The following CHRM4 variants were observed in gnomAD, a reference collection of about 807,000 sequenced individuals.
The protein encoded by CHRM4 is cholinergic receptor muscarinic 4.
A neutral mutation model predicts 26.3 loss-of-function variants in CHRM4; 5 were observed. The ratio of observed to expected loss-of-function variants is 0.19; its 90% CI spans 0.10 to 0.40. CHRM4 has a LOEUF of 0.40. CHRM4 is among the 10% of genes least tolerant of loss of function. The pLI is 1.00. For synonymous variants in CHRM4, 290 were observed against 285.3 expected, an observed-to-expected ratio of 1.02 and a Z score of -0.16; for missense variants, 402 against 664.5, an observed-to-expected ratio of 0.60 and a Z score of 4.34.
intron 1 of CHRM4, among the ~76,000 whole-genome samples, chr11:46,390,863 G>T (rs896391180): frequency 6.6e-6 from 1 of 152,250 alleles, no homozygotes; most frequent in African/African-American, 2.4e-5. Flanking sequence ...GTGGTTTGGG[G>T]TGTAGGTCTT....
intron 1 of CHRM4, among the ~76,000 whole-genome samples, chr11:46,388,927 T>TA (rs1401323732): frequency 6.6e-6 from 1 of 152,254 alleles, no homozygotes; most frequent in East Asian, 1.9e-4. Context: ...TATTGAGTGT[T>TA]AACTGCGTGT....
rs200584974 is a variant in CHRM4 at position 46,386,472 on chromosome 11, G to A, written c.86C>T (p.Thr29Met). 284 of 1,613,646 alleles carry A rather than the reference G, an allele frequency of 1.8e-4. 1 individual carries two copies. Among genetic ancestry groups the A allele is most frequent in the Non-Finnish European group, 1.5e-4 (172 of 1,179,896 alleles). Residue 29 changes from threonine (T) to methionine (M), a missense_variant, in exon 2 of 2, where the codon ACG becomes ATG. Coordinates refer to ENST00000682254, the MANE Select transcript of CHRM4 (RefSeq NM_000741.5). The surrounding 1 kb of genome is among the most constrained non-coding windows in gnomAD (Gnocchi z 5.8). ...TGTGGCAATGAAGACCATTTCCACC[G>A]TCTCATAGCGATTGTGGGATGATGA... is the stretch of plus-strand genomic sequence containing the variant. ...VTSSSHNRYE[T>M]VEMVFIATVT... is the part of the protein sequence containing the mutation.
chr11:46,390,246 G>A (rs1945379737), intron 1 of CHRM4, among the ~76,000 whole-genome samples: 1 of 152,200 alleles, frequency 6.6e-6, no homozygotes, highest in African/African-American at 2.4e-5. Flanking sequence ...CAGACTACTA[G>A]GGGCTGCCTG....
intron 1 of CHRM4, among the ~76,000 whole-genome samples, chr11:46,387,354 T>A (rs1325631183): frequency 1.3e-5 from 2 of 152,226 alleles, no homozygotes; most frequent in African/African-American, 4.8e-5. Flanking sequence ...CAGGCTGGTC[T>A]AGAACTCTTG....
chr11:46,386,686 C>G lies in CHRM4; in HGVS notation c.-29-100G>C. The G allele has an allele frequency of 8.4e-7, 1 of 1,197,120 alleles. No homozygotes were observed. The allele number at this position is 1,197,120 out of a possible 1,614,324, so 74.2% of individuals were successfully genotyped here. A position where few individuals can be genotyped will look rare whatever the true frequency, so the allele number is the denominator to read the frequency against. ...AAGGTGACAGAGGGACATTCTCTGG[C>G]AGAATGCCTTGAGAGAACTCTGTCC... On this transcript the variant is annotated intron_variant, in intron 1 of 1. Coordinates refer to ENST00000682254, the MANE Select transcript of CHRM4 (RefSeq NM_000741.5). The surrounding 1 kb of genome is among the most constrained non-coding windows in gnomAD (Gnocchi z 5.8).
At chr11:46,387,331 T>G (rs529774011) in intron 1 of CHRM4, among the ~76,000 whole-genome samples, 1 of 152,330 alleles carries the variant, frequency 6.6e-6, no homozygotes, top group African/African-American at 2.4e-5. Context: ...AGACAGGGTC[T>G]TGGTATGTTG....
In CHRM4 at chr11:46,385,417, C is replaced by T. The variant is rs1171199868; in HGVS notation, c.1141G>A (p.Ala381Thr). 6 of 1,609,038 alleles carry T rather than the reference C, an allele frequency of 3.7e-6. No homozygotes were observed. Among genetic ancestry groups the T allele is most frequent in the South Asian group, 3.3e-5 (3 of 91,020 alleles). Residue 381 changes from alanine to threonine, a missense_variant, in exon 2 of 2, where the codon GCT (alanine) becomes ACT (threonine). Around this residue, in one of 5 missense-constraint regions of CHRM4, gnomAD observed 205 missense variants for 244.0 expected, o/e 0.84. Coordinates refer to ENST00000682254, the MANE Select transcript of CHRM4 (RefSeq NM_000741.5). The surrounding 1 kb of genome is among the most constrained non-coding windows in gnomAD (Gnocchi z 6.3). ...ANVARKFASI[A>T]RNQVRKKRQM... ...CGCTTCTTGCGCACCTGGTTGCGAG[C>T]GATGCTGGCGAACTTGCGGGCCACG...
chr11:46,388,843 G>A (rs1374935613), intron 1 of CHRM4, among the ~76,000 whole-genome samples: 1 of 152,238 alleles, frequency 6.6e-6, no homozygotes, highest in African/African-American at 2.4e-5. Context: ...GCCTCCCAAG[G>A]CAGGATACAG....
rs1945337289 is a variant in CHRM4 at position 46,386,072 on chromosome 11, C to A, written c.486G>T (p.Val162=). 6.2e-7 allele frequency: 1 copy of A among 1,613,250 alleles called. No individual in the cohort carries two copies. The highest frequency in any genetic ancestry group is 2.2e-5 in the East Asian group (1 of 44,858). The change falls in exon 2 of 2, where the codon GTG becomes GTT. Residue 162 remains valine (V), a synonymous_variant. Coordinates refer to ENST00000682254, the MANE Select transcript of CHRM4 (RefSeq NM_000741.5). The surrounding 1 kb of genome is among the most constrained non-coding windows in gnomAD (Gnocchi z 5.8). ...AGAACAAGATGGCAGGCGCCCAGAG[C>A]ACGAAGGACAGTACCCAGGCAGCAG... ...MIAAAWVLSF[V]LWAPAILFWQ... is the part of the protein sequence containing the mutation.
At position 46,383,986 on chromosome 11, in the gene CHRM4, AGGGCCCC is replaced by A; in HGVS notation, c.*1125_*1131del. 4.4e-6 allele frequency: 1 copy of A among 227,186 alleles called. No individual in the cohort carries two copies. The highest frequency in any genetic ancestry group is 8.9e-6 in the Non-Finnish European group (1 of 112,072). 14.1% of individuals were successfully genotyped at this position (227,186 alleles called of 1,614,324 possible). On this transcript the variant is annotated 3_prime_UTR_variant, in exon 2 of 2. Coordinates refer to ENST00000682254, the MANE Select transcript of CHRM4 (RefSeq NM_000741.5). ...CAGAACAATTACAAACATTTCTTCCAGGGCCCCTGAAAGGGTGCTCCCCATCAAGTCA... is the reference window on the plus strand; with the variant it reads ...CAGAACAATTACAAACATTTCTTCCATGAAAGGGTGCTCCCCATCAAGTCA...
At position 46,386,730 on chromosome 11, in the gene CHRM4, C is replaced by T; in HGVS notation, c.-29-144G>A. The T allele has an allele frequency of 1.3e-6, 1 of 794,232 alleles. No individual in the cohort carries two copies. The highest frequency in any genetic ancestry group is 2.0e-6 in the Non-Finnish European group (1 of 511,188). 49.2% of individuals were successfully genotyped at this position (794,232 alleles called of 1,614,324 possible). ...TCTGTCCCGCCATCCCGCATTTGCC[C>T]ATTCATTCAACATTAATTGAGCACC... On this transcript the variant is annotated intron_variant, in intron 1 of 1. Coordinates refer to ENST00000682254, the MANE Select transcript of CHRM4 (RefSeq NM_000741.5). This position sits in a 1 kb window ranked among gnomAD's most constrained non-coding sequence, Gnocchi z 5.8.
intron 1 of CHRM4, among the ~76,000 whole-genome samples, chr11:46,389,288 C>T (rs992916926): frequency 6.6e-6 from 1 of 152,190 alleles, no homozygotes; most frequent in Non-Finnish European, 1.5e-5. Flanking sequence ...AGAAGACAAG[C>T]GATGTCTTGT....
Position 46,383,807 on chromosome 11 carries a change from G to A in CHRM4, c.*1311C>T, listed in dbSNP as rs1945298051. The A allele has an allele frequency of 2.2e-6, 1 of 445,192 alleles. No individual in the cohort carries two copies. The highest frequency in any genetic ancestry group is 2.1e-5 in the South Asian group (1 of 48,772). 27.6% of individuals were successfully genotyped at this position (445,192 alleles called of 1,614,324 possible). A position where few individuals can be genotyped will look rare whatever the true frequency, so the allele number is the denominator to read the frequency against. On this transcript the variant is annotated 3_prime_UTR_variant, in exon 2 of 2. Coordinates refer to ENST00000682254, the MANE Select transcript of CHRM4 (RefSeq NM_000741.5). ...AACTGACTTTTTCCCCCCAATAAAA[G>A]CTCTTCTTTTTTAATATATAAAAGC... is the stretch of plus-strand genomic sequence containing the variant.
At position 46,386,429 on chromosome 11, in the gene CHRM4, G is replaced by A. The variant is rs912097630; in HGVS notation, c.129C>T (p.Ser43=). Residue 43 remains serine (S), a synonymous_variant, in exon 2 of 2, where the codon AGC becomes AGT. Coordinates refer to ENST00000682254, the MANE Select transcript of CHRM4 (RefSeq NM_000741.5). This position sits in a 1 kb window ranked among gnomAD's most constrained non-coding sequence, Gnocchi z 5.8. ...VFIATVTGSL[S]LVTVVGNILV... is the part of the protein sequence containing the mutation. ...GGATGTTGCCCACGACAGTCACCAGGCTCAGGGAGCCTGTCACTGTGGCAA... is the reference window on the plus strand; with the variant it reads ...GGATGTTGCCCACGACAGTCACCAGACTCAGGGAGCCTGTCACTGTGGCAA... 1 of 1,613,956 alleles carries A rather than the reference G, an allele frequency of 6.2e-7. No homozygotes were observed. Among genetic ancestry groups the A allele is most frequent in the Non-Finnish European group, 8.5e-7 (1 of 1,179,904 alleles).
In CHRM4 at chr11:46,385,268, G is replaced by T. The variant is rs1335429044; in HGVS notation, c.1290C>A (p.Ile430=). Reference sequence around the variant, plus strand: ...AGCCAATGGACCACACCGTGTCAGGGATGCAGCTCTGGCAGAAGGTGTTCA... The same window carrying T: ...AGCCAATGGACCACACCGTGTCAGGTATGCAGCTCTGGCAGAAGGTGTTCA... ...VLVNTFCQSC[I]PDTVWSIGYW... is the part of the protein sequence containing the mutation. Residue 430 remains isoleucine (I), a synonymous_variant, in exon 2 of 2, where the codon ATC becomes ATA. Transcript: ENST00000682254. This position sits in a 1 kb window ranked among gnomAD's most constrained non-coding sequence, Gnocchi z 6.3. The T allele has an allele frequency of 1.2e-5, 20 of 1,614,132 alleles. No homozygotes were observed. The highest frequency in any genetic ancestry group is 1.7e-5 in the Non-Finnish European group (20 of 1,180,004).
rs1945344594 is a variant in CHRM4 at position 46,386,668 on chromosome 11, C to CTCT, written c.-29-83_-29-82insAGA. 24 of 1,348,354 alleles carry CTCT rather than the reference C, an allele frequency of 1.8e-5. 2 individuals carry two copies. The South Asian group carries it at 3.3e-4, about 18-fold the overall frequency. The allele number at this position is 1,348,354 out of a possible 1,614,324, so 83.5% of individuals were successfully genotyped here. A position where few individuals can be genotyped will look rare whatever the true frequency, so the allele number is the denominator to read the frequency against. On this transcript the variant is annotated intron_variant, in intron 1 of 1. Coordinates refer to ENST00000682254, the MANE Select transcript of CHRM4 (RefSeq NM_000741.5). The surrounding 1 kb of genome is among the most constrained non-coding windows in gnomAD (Gnocchi z 5.8). ...TGGAGGTACACTGGATTCAAGGTGA[C>CTCT]AGAGGGACATTCTCTGGCAGAATGC... is the stretch of plus-strand genomic sequence containing the variant.
intron 1 of CHRM4, among the ~76,000 whole-genome samples, chr11:46,390,305 G>A (rs1945380025): frequency 6.6e-6 from 1 of 152,156 alleles, no homozygotes; most frequent in African/African-American, 2.4e-5. Flanking sequence ...GTGCCCAGAG[G>A]TGTCCAAGTC....
Position 46,385,889 on chromosome 11 carries a change from G to A in CHRM4, c.669C>T (p.Arg223=), listed in dbSNP as rs1474679739. The A allele has an allele frequency of 1.2e-6, 2 of 1,610,998 alleles. No individual in the cohort carries two copies. The highest frequency in any genetic ancestry group is 2.2e-5 in the East Asian group (1 of 44,806). Residue 223 remains arginine (R), a synonymous_variant, in exon 2 of 2, where the codon CGC becomes CGT. Transcript: ENST00000682254. This position sits in a 1 kb window ranked among gnomAD's most constrained non-coding sequence, Gnocchi z 6.3. ...VLYIHISLAS[R]SRVHKHRPEG... is the part of the protein sequence containing the mutation. ...CGGGCCGGTGCTTGTGGACTCGGCT[G>A]CGACTGGCCAGGGAGATGTGGATGT...
intron 1 of CHRM4, among the ~76,000 whole-genome samples, chr11:46,388,894 G>A (rs1693583618): frequency 2.0e-5 from 3 of 152,238 alleles, no homozygotes; most frequent in African/African-American, 7.2e-5. Context: ...AGTGCAGAAT[G>A]TGAAAACATA....
Sources: gnomAD v4.1 joint callset for allele counts (sites outside exome capture counted in the v4.1 genomes callset) on GRCh38, gnomAD v4.1.1 for gene constraint, gnomAD v4.1.1 regional missense constraint, Gnocchi (gnomAD v3.1) non-coding constraint, MANE v1.5 for transcripts, NCBI Gene and HGNC (gene_info 2026-07-23, HGNC 2026-07-21) for gene names.